FPGS: variants seen among roughly 807,000 people sequenced by gnomAD.
FPGS encodes folylpolyglutamate synthase, mitochondrial.
Under a neutral mutation model 66.5 loss-of-function variants are expected in FPGS, and 53 were observed. The ratio of observed to expected loss-of-function variants is 0.80; its 90% CI spans 0.64 to 1.00. FPGS has a LOEUF of 1.00. Ranked by LOEUF, FPGS falls within the 50% of genes least tolerant of loss-of-function variation. FPGS has a pLI of 0.00. For synonymous variants in FPGS, 348 were observed against 350.9 expected, an observed-to-expected ratio of 0.99 and a Z score of 0.09; for missense variants, 702 against 807.7, an observed-to-expected ratio of 0.87 and a Z score of 1.59.
Position 127,808,462 on chromosome 9 carries a change from G to A in FPGS, c.823-96G>A, listed in dbSNP as rs113550574. 181 of 1,559,144 alleles carry A rather than the reference G, an allele frequency of 1.2e-4. 2 individuals are homozygous for A. In the African/African-American group the frequency reaches 2.2e-3, roughly 19 times the overall value. On this transcript the variant is annotated intron_variant, in intron 9 of 14. Transcript: ENST00000373247. ...GCCTGCTGGAACACATCTCAGTTCT[G>A]GGAGCAGGGCTTGGTGGCTGGGGGA...
chr9:127,811,522 GT>G (rs1464179693), intron 14 of FPGS, among the ~76,000 whole-genome samples: 2 of 151,994 alleles, frequency 1.3e-5, no homozygotes, highest in African/African-American at 4.8e-5. Context: ...GTCTCACTCT[GT>G]CCCCCAGGCT....
Position 127,813,599 on chromosome 9 carries a change from C to T in FPGS, c.1759C>T (p.Gln587Ter). Residue 587 changes from glutamine (Q) to a stop codon, truncating the protein, a stop_gained, in exon 15 of 15, where the codon CAG becomes TAG. Coordinates refer to ENST00000373247, the MANE Select transcript of FPGS (RefSeq NM_004957.6). LOFTEE classifies it high-confidence loss of function. Reference protein sequence around the residue: ...VLKLLEPALSQ With the variant: ...VLKLLEPALS ...GAAGCTGCTGGAGCCCGCACTGTCC[C>T]AGTAGCCAAGGCCCGGGGTTGGAGG... 1 of 1,518,070 alleles carries T rather than the reference C, an allele frequency of 6.6e-7. No homozygotes were observed. The highest frequency in any genetic ancestry group is 8.8e-7 in the Non-Finnish European group (1 of 1,131,030). The allele number at this position is 1,518,070 out of a possible 1,614,324, so 94.0% of individuals were successfully genotyped here.
rs1829844072 is a variant in FPGS at position 127,807,094 on chromosome 9, C to T, written c.501+7C>T. 1.2e-6 allele frequency: 2 copies of T among 1,613,112 alleles called. No homozygotes were observed. The highest frequency in any genetic ancestry group is 2.2e-5 in the South Asian group (2 of 91,070). On this transcript the variant is annotated splice_region_variant and intron_variant, in intron 5 of 14. Coordinates refer to ENST00000373247, the MANE Select transcript of FPGS (RefSeq NM_004957.6). The surrounding 1 kb of genome is among the most constrained non-coding windows in gnomAD (Gnocchi z 5.8). ...CCGGCTGGAGGAGACCAAGGTGCCG[C>T]ATGCAGGAGGGCTGGCGGGTGGGTA...
At chr9:127,810,871 C>T (rs370285284) in intron 13 of FPGS, 74 bp from the exon 14 acceptor site, 86 of 749,100 alleles carry the variant, frequency 1.1e-4, no homozygotes, top group African/African-American at 8.7e-4. Flanking sequence ...GAGATGTGGG[C>T]GCAGGGGGCC....
At position 127,813,398 on chromosome 9, in the gene FPGS, A is replaced by C. The variant is rs1830173003; in HGVS notation, c.1558A>C (p.Ile520Leu). The change falls in exon 15 of 15, where the codon ATT becomes CTT. Residue 520 changes from isoleucine to leucine, a missense_variant. Ile to Leu is a conservative substitution (Grantham distance 5). Coordinates refer to ENST00000373247, the MANE Select transcript of FPGS (RefSeq NM_004957.6). The part of the protein sequence containing the change: ...CSASSLVFSC[I>L]SHALQWISQG... ...TGCCAGCTCCCTCGTCTTCAGCTGC[A>C]TTTCACATGCCTTGCAATGGATCAG... 6.2e-7 allele frequency: 1 copy of C among 1,609,460 alleles called. No individual in the cohort carries two copies. The highest frequency in any genetic ancestry group is 1.3e-5 in the African/African-American group (1 of 74,762).
At chr9:127,810,342 G>A (rs564099412) in intron 13 of FPGS, among the ~76,000 whole-genome samples, 10 of 152,268 alleles carry the variant, frequency 6.6e-5, no homozygotes, top group African/African-American at 2.2e-4. Context: ...GGGCCAGATC[G>A]TGGCTAAAGG....
chr9:127,810,416 C>A (rs901560196), intron 13 of FPGS, among the ~76,000 whole-genome samples: 1 of 152,074 alleles, frequency 6.6e-6, no homozygotes, highest in Non-Finnish European at 1.5e-5. Flanking sequence ...GGACGAGAAG[C>A]GGCATTTCCC....
chr9:127,805,929 G>A (rs538120801), intron 4 of FPGS, among the ~76,000 whole-genome samples: 344 of 152,272 alleles, frequency 2.3e-3, no homozygotes, highest in African/African-American at 8.1e-3. Flanking sequence ...CCATCACCAC[G>A]AACTTCTGAA....
chr9:127,809,832 C>A lies in FPGS; in HGVS notation c.1209C>A (p.Ser403Arg). 4.1e-6 allele frequency: 3 copies of A among 728,254 alleles called. No homozygotes were observed. Among genetic ancestry groups the A allele is most frequent in the Non-Finnish European group, 3.9e-6 (2 of 513,550 alleles). The allele number at this position is 728,254 out of a possible 1,614,324, so 45.1% of individuals were successfully genotyped here. Residue 403 changes from serine to arginine, a missense_variant and splice_region_variant, in exon 12 of 15, where the codon AGC becomes AGA. This residue lies in a region of FPGS where 351 missense variants were observed against 363.7 expected (regional missense o/e 0.97). Coordinates refer to ENST00000373247, the MANE Select transcript of FPGS (RefSeq NM_004957.6). ...RQALQGRERP[S>R]GGPEVRVLLF... ...CGCTGCAGGGCCGCGAGAGGCCGAG[C>A]GGGTGAGGGGCAGGGCTGGGGGTGG... is the stretch of plus-strand genomic sequence containing the variant.
In FPGS at chr9:127,807,543, G is replaced by A. The variant is rs1481991751; in HGVS notation, c.642-43G>A. 1.2e-6 allele frequency: 2 copies of A among 1,612,078 alleles called. No individual in the cohort carries two copies. Among genetic ancestry groups the A allele is most frequent in the South Asian group, 1.1e-5 (1 of 91,048 alleles). On this transcript the variant is annotated intron_variant, in intron 7 of 14. Transcript: ENST00000373247. This position sits in a 1 kb window ranked among gnomAD's most constrained non-coding sequence, Gnocchi z 5.8. ...AGGAGCACAGCCTCACCTGCCGCCT[G>A]GTGGCTCAGGGCAGGGCCTCATGGC...
Position 127,813,615 on chromosome 9 carries a change from G to A in FPGS, c.*11G>A. 3 of 1,505,854 alleles carry A rather than the reference G, an allele frequency of 2.0e-6. No homozygotes were observed. Among genetic ancestry groups the A allele is most frequent in the Non-Finnish European group, 2.7e-6 (3 of 1,126,318 alleles). 93.3% of individuals were successfully genotyped at this position (1,505,854 alleles called of 1,614,324 possible). On this transcript the variant is annotated 3_prime_UTR_variant, in exon 15 of 15. Transcript: ENST00000373247. The stretch of plus-strand genomic sequence containing the variant: ...GCACTGTCCCAGTAGCCAAGGCCCG[G>A]GGTTGGAGGTGGGAGCTTCCCACAC...
At position 127,807,602 on chromosome 9, in the gene FPGS, G is replaced by A. The variant is rs768545932; in HGVS notation, c.658G>A (p.Gly220Arg). 15 of 1,612,856 alleles carry A rather than the reference G, an allele frequency of 9.3e-6. No individual in the cohort carries two copies. The highest frequency in any genetic ancestry group is 1.3e-5 in the African/African-American group (1 of 74,840). Residue 220 changes from glycine (G) to arginine (R), a missense_variant, in exon 8 of 15, where the codon GGA becomes AGA. By Grantham distance (125) the Gly-to-Arg change is moderately radical (BLOSUM62 -2). This residue lies in a region of FPGS where 240 missense variants were observed against 348.6 expected (regional missense o/e 0.69). Transcript: ENST00000373247. The surrounding 1 kb of genome is among the most constrained non-coding windows in gnomAD (Gnocchi z 5.8). ...CCCCTGCAGGAAGCCTGTGGTGTGC[G>A]GAGTCTCCTCTCTTGGCATCGACCA... is the stretch of plus-strand genomic sequence containing the variant. ...TNIIRKPVVC[G>R]VSSLGIDHTS...
chr9:127,808,473 T>C, intron 9 of FPGS, 85 bp from the exon 10 acceptor site: 1 of 1,575,328 alleles, frequency 6.3e-7, no homozygotes, highest in Non-Finnish European at 8.7e-7. Context: ...GGAGCAGGGC[T>C]TGGTGGCTGG....
At chr9:127,814,276 CTGCAGACCCCCT>C (rs1830224677), downstream of FPGS, 1 of 376,286 alleles carries the variant, frequency 2.7e-6, no homozygotes, top group Non-Finnish European at 3.7e-6. Flanking sequence ...GCAGTGCTTT[CTGCAGACCCCCT>C]TGCAGAGACC....
Position 127,804,282 on chromosome 9 carries a change from C to T in FPGS, c.139-3C>T. ...CCTACTATCTGGGCACTGTGGTTGC[C>T]AGGATGCCGTGCGCATGCTCAATAC... On this transcript the variant is annotated splice_polypyrimidine_tract_variant and splice_region_variant and intron_variant, in intron 1 of 14. Coordinates refer to ENST00000373247, the MANE Select transcript of FPGS (RefSeq NM_004957.6). The T allele has an allele frequency of 6.2e-7, 1 of 1,613,752 alleles. No individual in the cohort carries two copies. The highest frequency in any genetic ancestry group is 8.5e-7 in the Non-Finnish European group (1 of 1,179,784).
chr9:127,804,918 TCA>T (rs1829750881), intron 4 of FPGS: 1 of 539,208 alleles, frequency 1.9e-6, no homozygotes, highest in East Asian at 3.2e-5. Context: ...AGACTGAGTC[TCA>T]CTCTATCGCC....
chr9:127,808,925 C>T (rs375329672), intron 11 of FPGS, 36 bp downstream of exon 11: 36 of 1,250,042 alleles, frequency 2.9e-5, no homozygotes, highest in African/African-American at 2.1e-4. Context: ...GGGACCACTG[C>T]GTGTGTCTGT....
chr9:127,807,102 AG>A lies in FPGS; in HGVS notation c.501+18del, dbSNP rs1410175416. The A allele has an allele frequency of 1.2e-6, 2 of 1,611,986 alleles. No homozygotes were observed. Among genetic ancestry groups the A allele is most frequent in the African/African-American group, 1.3e-5 (1 of 74,850 alleles). ...AGGAGACCAAGGTGCCGCATGCAGG[AG>A]GGCTGGCGGGTGGGTATGGTTGGGG... On this transcript the variant is annotated intron_variant, in intron 5 of 14. Coordinates refer to ENST00000373247, the MANE Select transcript of FPGS (RefSeq NM_004957.6). The surrounding 1 kb of genome is among the most constrained non-coding windows in gnomAD (Gnocchi z 5.8).
chr9:127,808,217 CCTT>C lies in FPGS; in HGVS notation c.745-12_745-10del, dbSNP rs780082215. 57 of 1,609,454 alleles carry C rather than the reference CCTT, an allele frequency of 3.5e-5. No individual in the cohort carries two copies. Among genetic ancestry groups the C allele is most frequent in the Middle Eastern group, 1.6e-4 (1 of 6,076 alleles). On this transcript the variant is annotated splice_polypyrimidine_tract_variant and intron_variant, in intron 8 of 14. Coordinates refer to ENST00000373247, the MANE Select transcript of FPGS (RefSeq NM_004957.6). Reference sequence around the variant, plus strand: ...GGATGCTAGGTAGCCCTTTCTCTCTCCTTCTTCCCTCCACAGCAAGGTGTCCCT... The same window carrying C: ...GGATGCTAGGTAGCCCTTTCTCTCTCCTTCCCTCCACAGCAAGGTGTCCCT...
Sources: allele counts gnomAD v4.1 joint callset (sites outside exome capture counted in the v4.1 genomes callset), GRCh38; gene constraint gnomAD v4.1.1; regional missense constraint gnomAD v4.1.1; non-coding constraint Gnocchi (gnomAD v3.1); transcripts MANE v1.5; gene names NCBI Gene and HGNC (gene_info 2026-07-23, HGNC 2026-07-21).